The following AMY2A variants were observed in gnomAD, a reference collection of about 807,000 sequenced individuals.
AMY2A encodes the protein amylase alpha 2A, also known as pancreatic alpha-amylase.
A neutral mutation model predicts 43.0 loss-of-function variants in AMY2A; 16 were observed. The observed-to-expected ratio is 0.37, with a 90% CI of 0.25 to 0.56. The LOEUF is 0.56. AMY2A is among the 20% of genes least tolerant of loss of function. AMY2A has a pLI of 0.77. For synonymous variants in AMY2A, 70 were observed against 144.6 expected (o/e 0.48, Z 3.70); for missense variants, 212 against 456.8 (o/e 0.46, Z 4.89).
chr1:103,617,984 T>C lies in AMY2A; in HGVS notation c.199T>C (p.Tyr67His), dbSNP rs772378904. The C allele has an allele frequency of 7.1e-5, 113 of 1,600,542 alleles. 3 individuals are homozygous for C. The highest frequency in any genetic ancestry group is 2.3e-4 in the Middle Eastern group (1 of 4,436). The change falls in exon 2 of 10, where the codon TAC becomes CAC. Residue 67 changes from tyrosine (Y) to histidine (H), a missense_variant. Around this residue, in one of 2 missense-constraint regions of AMY2A, gnomAD observed 199 missense variants for 210.6 expected, o/e 0.94. Transcript: ENST00000414303. The stretch of plus-strand genomic sequence containing the variant: ...TCCACCAAATGAAAATGTTGCAATT[T>C]ACAACCCTTTCAGACCTTGGTGGGA... Reference protein sequence around the residue: ...VSPPNENVAIYNPFRPWWERY... With the variant: ...VSPPNENVAIHNPFRPWWERY...
chr1:103,624,474 TA>T (rs1653271356), intron 9 of AMY2A, among the ~76,000 whole-genome samples: 1 of 11,898 alleles, frequency 8.4e-5, no homozygotes, highest in Non-Finnish European at 1.6e-4. Context: ...TATGCATATA[TA>T]TGATGCACAT....
chr1:103,619,887 A>G (rs1570668517), intron 4 of AMY2A, 103 bp downstream of exon 4: 2 of 1,520,186 alleles, frequency 1.3e-6, no homozygotes, highest in Non-Finnish European at 1.8e-6. Context: ...GGAATGAGAC[A>G]TTTACATAAA....
chr1:103,617,687 T>A, intron 1 of AMY2A, 79 bp downstream of exon 1: 1 of 1,596,742 alleles, frequency 6.3e-7, no homozygotes, highest in South Asian at 1.1e-5. Context: ...CTGTGAAGCT[T>A]GGGCAACATT....
upstream of AMY2A, chr1:103,616,995 G>A (rs1330920618): frequency 5.8e-6 from 6 of 1,037,542 alleles, no homozygotes; most frequent in South Asian, 3.1e-5. Flanking sequence ...CTTAGCTTAC[G>A]TTATCTACCA....
rs748247429 is a variant in AMY2A at position 103,619,806 on chromosome 1, T to C, written c.744+22T>C. 24 of 1,607,916 alleles carry C rather than the reference T, an allele frequency of 1.5e-5. 1 individual carries two copies. The South Asian group carries it at 2.3e-4, about 15-fold the overall frequency. ...GGAGGTACATCAATACTTATATGCC[T>C]ATAAAATATCATCTTATTCGTTAGA... On this transcript the variant is annotated intron_variant, in intron 4 of 9. Transcript: ENST00000414303.
At position 103,619,091 on chromosome 1, in the gene AMY2A, T is replaced by C; in HGVS notation, c.496T>C (p.Tyr166His). 8.6e-7 allele frequency: 1 copy of C among 1,157,734 alleles called. No homozygotes were observed. The highest frequency in any genetic ancestry group is 1.6e-5 in the South Asian group (1 of 62,854). 71.7% of individuals were successfully genotyped at this position (1,157,734 alleles called of 1,614,324 possible). The change falls in exon 3 of 10, where the codon TAC becomes CAC. Residue 166 changes from tyrosine to histidine, a missense_variant. Physicochemically the swap from Tyr to His is moderately conservative, Grantham distance 83. Coordinates refer to ENST00000414303, the MANE Select transcript of AMY2A (RefSeq NM_000699.4). ...AACTGGAAGTGGAGATATCGAGAAC[T>C]ACAATGATGCTACTCAGGTAATTTT... ...CKTGSGDIENYNDATQVRDCR... is the reference protein window; with the variant it reads ...CKTGSGDIENHNDATQVRDCR...
intron 7 of AMY2A, among the ~76,000 whole-genome samples, chr1:103,623,379 A>C (rs1653240628): frequency 8.7e-6 from 1 of 115,604 alleles, no homozygotes; most frequent in Admixed American, 8.6e-5. Flanking sequence ...TAGTGAGGCG[A>C]GGCGAGAAGA....
In AMY2A at chr1:103,618,014, T is replaced by A; in HGVS notation, c.229T>A (p.Tyr77Asn). ...YNPFRPWWER[Y>N]QPVSYKLCTR... ...CCCTTTCAGACCTTGGTGGGAAAGATACCAACCAGTTAGCTATAAATTATG... is the reference window on the plus strand; with the variant it reads ...CCCTTTCAGACCTTGGTGGGAAAGAAACCAACCAGTTAGCTATAAATTATG... Residue 77 changes from tyrosine (Y) to asparagine (N), a missense_variant, in exon 2 of 10, where the codon TAC becomes AAC. Physicochemically the swap from Tyr to Asn is moderately radical, Grantham distance 143 (BLOSUM62 -2). Around this residue, in one of 2 missense-constraint regions of AMY2A, gnomAD observed 199 missense variants for 210.6 expected, o/e 0.94. Transcript: ENST00000414303. 1 of 1,600,662 alleles carries A rather than the reference T, an allele frequency of 6.2e-7. No individual in the cohort carries two copies. The highest frequency in any genetic ancestry group is 8.5e-7 in the Non-Finnish European group (1 of 1,170,724).
upstream of AMY2A, chr1:103,616,980 C>T (rs560368290): frequency 9.7e-4 from 1,009 of 1,043,404 alleles, 61 homozygotes; most frequent in Non-Finnish European, 1.1e-3. Context: ...GACCCAGTTT[C>T]CTTTCTTAGC....
chr1:103,618,151 T>C (rs779277304), intron 2 of AMY2A, 51 bp downstream of exon 2: 1 of 1,576,104 alleles, frequency 6.3e-7, no homozygotes, highest in Non-Finnish European at 8.6e-7. Context: ...AAATGGTTTC[T>C]CTCTCTTCTT....
chr1:103,618,697 C>T (rs1368432714), intron 2 of AMY2A, among the ~76,000 whole-genome samples: 1 of 150,550 alleles, frequency 6.6e-6, no homozygotes, highest in Non-Finnish European at 1.5e-5. Flanking sequence ...ATTTATCATT[C>T]CTATAAATAT....
intron 2 of AMY2A, among the ~76,000 whole-genome samples, chr1:103,618,441 G>T (rs889687838): frequency 6.6e-6 from 1 of 150,642 alleles, no homozygotes; most frequent in Admixed American, 6.6e-5. Context: ...TAGGTGACTT[G>T]TGTCTCCATC....
chr1:103,624,917 C>G (rs1202755631), intron 9 of AMY2A, among the ~76,000 whole-genome samples: 1 of 131,260 alleles, frequency 7.6e-6, no homozygotes, highest in Non-Finnish European at 1.7e-5. Context: ...CCAAGACCAA[C>G]TGACACTCAT....
chr1:103,619,349 A>T (rs1472528258), intron 3 of AMY2A, among the ~76,000 whole-genome samples: 2 of 150,544 alleles, frequency 1.3e-5, no homozygotes, highest in African/African-American at 4.8e-5. Context: ...AATCTCATCG[A>T]CTTTATTTCC....
intron 4 of AMY2A, among the ~76,000 whole-genome samples, chr1:103,620,104 G>A (rs1343137149): frequency 7.0e-6 from 1 of 142,950 alleles, no homozygotes; most frequent in African/African-American, 2.5e-5. Flanking sequence ...TATCATTGAT[G>A]TAGAAGACTA....
upstream of AMY2A, chr1:103,617,174 C>T: frequency 1.0e-6 from 1 of 1,002,540 alleles, no homozygotes; most frequent in Non-Finnish European, 1.4e-6. Flanking sequence ...CATTAGGCCC[C>T]AGCAACAGGT....
chr1:103,617,933 T>C (rs554069758), intron 1 of AMY2A, 21 bp from the exon 2 acceptor site: 20 of 1,600,410 alleles, frequency 1.2e-5, no homozygotes, highest in Admixed American at 3.4e-5. Context: ...TTGGTACTTA[T>C]GAAGACTGTT....
intron 9 of AMY2A, among the ~76,000 whole-genome samples, chr1:103,624,863 T>C (rs1653278932): frequency 7.6e-6 from 1 of 131,012 alleles, no homozygotes; most frequent in South Asian, 2.3e-4. Context: ...TTATCTAAGA[T>C]ATAGCTCAGA....
At chr1:103,618,341 A>G (rs1653136944) in intron 2 of AMY2A, among the ~76,000 whole-genome samples, 2 of 150,798 alleles carry the variant, frequency 1.3e-5, no homozygotes, top group Non-Finnish European at 3.0e-5. Flanking sequence ...GCAAAACATC[A>G]AATTTTAACC....
Sources: gnomAD v4.1 joint callset for allele counts (sites outside exome capture counted in the v4.1 genomes callset) on GRCh38, gnomAD v4.1.1 for gene constraint, gnomAD v4.1.1 regional missense constraint, MANE v1.5 for transcripts, NCBI Gene and HGNC (gene_info 2026-07-23, HGNC 2026-07-21) for gene names.